NPB: variants seen among roughly 807,000 people sequenced by gnomAD.
NPB encodes the protein prepro-NPB.
In NPB, 8 loss-of-function variants were observed where a neutral mutation model predicts 6.7. That is an observed-to-expected ratio of 1.20 (90% CI 0.71 to 2.17). The LOEUF (loss-of-function observed/expected upper bound fraction) is 2.17. Ranked by LOEUF, NPB falls within the 30% of genes most tolerant of loss-of-function variation. NPB has a pLI of 0.00. For synonymous variants in NPB, 118 were observed against 103.4 expected (o/e 1.14, Z -0.86); for missense variants, 199 against 190.2 (o/e 1.05, Z -0.27).
chr17:81,902,611 GCCCC>G lies in NPB; in HGVS notation c.250-6_250-3del. 1 of 1,568,820 alleles carries G rather than the reference GCCCC, an allele frequency of 6.4e-7. No individual in the cohort carries two copies. Among genetic ancestry groups the G allele is most frequent in the Non-Finnish European group, 8.6e-7 (1 of 1,162,768 alleles). On this transcript the variant is annotated splice_polypyrimidine_tract_variant and splice_region_variant and intron_variant, in intron 1 of 1. Coordinates refer to ENST00000333383, the MANE Select transcript of NPB (RefSeq NM_148896.5). ...GCGGCCCCTCAGCCTTTGCTTGCCT[GCCCC>G]CCAGGCTGTGTGCGTCCAGGACGTC... is the stretch of plus-strand genomic sequence containing the variant.
In NPB at chr17:81,902,832, G is replaced by A; in HGVS notation, c.*84G>A. Reference sequence around the variant, plus strand: ...CCCCAGGCCCCTCCGGCGCGGGATGGCGCCCCAGGTCTCCCCTACTCCGCT... The same window carrying A: ...CCCCAGGCCCCTCCGGCGCGGGATGACGCCCCAGGTCTCCCCTACTCCGCT... On this transcript the variant is annotated 3_prime_UTR_variant, in exon 2 of 2. Coordinates refer to ENST00000333383, the MANE Select transcript of NPB (RefSeq NM_148896.5). 2.3e-6 allele frequency: 3 copies of A among 1,291,730 alleles called. No homozygotes were observed. The highest frequency in any genetic ancestry group is 2.9e-5 in the South Asian group (2 of 69,496). The allele number at this position is 1,291,730 out of a possible 1,614,324, so 80.0% of individuals were successfully genotyped here. A position where few individuals can be genotyped will look rare whatever the true frequency, so the allele number is the denominator to read the frequency against.
rs910163502 is a variant in NPB at position 81,902,826 on chromosome 17, G to A, written c.*78G>A. 1.5e-6 allele frequency: 2 copies of A among 1,351,140 alleles called. No homozygotes were observed. The highest frequency in any genetic ancestry group is 2.0e-6 in the Non-Finnish European group (2 of 1,004,904). 83.7% of individuals were successfully genotyped at this position (1,351,140 alleles called of 1,614,324 possible). A position where few individuals can be genotyped will look rare whatever the true frequency, so the allele number is the denominator to read the frequency against. ...CGGTGACCCCAGGCCCCTCCGGCGC[G>A]GGATGGCGCCCCAGGTCTCCCCTAC... On this transcript the variant is annotated 3_prime_UTR_variant, in exon 2 of 2. Transcript: ENST00000333383.
Position 81,902,405 on chromosome 17 carries a change from T to TGCTGTCCGGCCTCC in NPB, c.131_144dup (p.Arg49CysfsTer102). 1 of 1,346,024 alleles carries TGCTGTCCGGCCTCC rather than the reference T, an allele frequency of 7.4e-7. No individual in the cohort carries two copies. The highest frequency in any genetic ancestry group is 9.5e-7 in the Non-Finnish European group (1 of 1,055,916). 83.4% of individuals were successfully genotyped at this position (1,346,024 alleles called of 1,614,324 possible). ...TACTCGGTGGGCCGCGCCGCGGGGC[T>TGCTGTCCGGCCTCC]GCTGTCCGGCCTCCGCAGGTCCCCG... On this transcript the variant is annotated frameshift_variant, in exon 1 of 2. Transcript: ENST00000333383. LOFTEE classifies it high-confidence loss of function.
chr17:81,902,553 G>T (rs1010375734), intron 1 of NPB, 27 bp downstream of exon 1: 6 of 1,493,548 alleles, frequency 4.0e-6, no homozygotes, highest in Non-Finnish European at 5.3e-6. Context: ...GGGGACTGAT[G>T]GGGGGCGGCG....
rs754175289 is a variant in NPB at position 81,902,706 on chromosome 17, C to T, written c.336C>T (p.Asn112=). 1.6e-5 allele frequency: 25 copies of T among 1,609,070 alleles called. No homozygotes were observed. Among genetic ancestry groups the T allele is most frequent in the Admixed American group, 3.3e-5 (2 of 59,876 alleles). The change falls in exon 2 of 2, where the codon AAC becomes AAT. Residue 112 remains asparagine, a synonymous_variant. Transcript: ENST00000333383. The stretch of plus-strand genomic sequence containing the variant: ...GCGGGACCTACCAGTGCAAGGCGAA[C>T]GTCTTCCTGTCCCTGCGCGCAGCCG... ...DGRGTYQCKA[N]VFLSLRAADC... is the part of the protein sequence containing the mutation.
At position 81,902,601 on chromosome 17, in the gene NPB, T is replaced by C; in HGVS notation, c.250-19T>C. 1.3e-6 allele frequency: 2 copies of C among 1,555,544 alleles called. No individual in the cohort carries two copies. Among genetic ancestry groups the C allele is most frequent in the Non-Finnish European group, 1.7e-6 (2 of 1,156,654 alleles). ...TGGGGGTGCGGCGGCCCCTCAGCCT[T>C]TGCTTGCCTGCCCCCCAGGCTGTGT... On this transcript the variant is annotated intron_variant, in intron 1 of 1. Coordinates refer to ENST00000333383, the MANE Select transcript of NPB (RefSeq NM_148896.5).
Position 81,902,856 on chromosome 17 carries a change from C to G in NPB, c.*108C>G. The G allele has an allele frequency of 2.1e-6, 2 of 970,126 alleles. No individual in the cohort carries two copies. The highest frequency in any genetic ancestry group is 1.5e-6 in the Non-Finnish European group (1 of 680,810). 60.1% of individuals were successfully genotyped at this position (970,126 alleles called of 1,614,324 possible). Reference sequence around the variant, plus strand: ...GGCGCCCCAGGTCTCCCCTACTCCGCTCACCCCGCAGTTAATGGCAAACGA... The same window carrying G: ...GGCGCCCCAGGTCTCCCCTACTCCGGTCACCCCGCAGTTAATGGCAAACGA... On this transcript the variant is annotated 3_prime_UTR_variant, in exon 2 of 2. Transcript: ENST00000333383.
In NPB at chr17:81,902,317, C is replaced by T. The variant is rs1015178415; in HGVS notation, c.40C>T (p.Leu14=). Residue 14 remains leucine, a synonymous_variant, in exon 1 of 2, where the codon CTG becomes TTG. Transcript: ENST00000333383. The part of the protein sequence containing the change: ...SATLAAAALA[L]CLLLAPPGLA... ...GACACTGGCGGCCGCCGCCCTGGCGCTGTGCCTGCTGCTGGCGCCGCCTGG... is the reference window on the plus strand; with the variant it reads ...GACACTGGCGGCCGCCGCCCTGGCGTTGTGCCTGCTGCTGGCGCCGCCTGG... 58 of 1,337,176 alleles carry T rather than the reference C, an allele frequency of 4.3e-5. No individual in the cohort carries two copies. Among genetic ancestry groups the T allele is most frequent in the Non-Finnish European group, 5.0e-5 (53 of 1,051,166 alleles). The allele number at this position is 1,337,176 out of a possible 1,614,324, so 82.8% of individuals were successfully genotyped here.
chr17:81,902,552 T>TG (rs1308187231), intron 1 of NPB, 26 bp downstream of exon 1: 2 of 1,493,490 alleles, frequency 1.3e-6, no homozygotes, highest in African/African-American at 1.5e-5. Context: ...CGGGGACTGA[T>TG]GGGGGGCGGC....
At position 81,902,718 on chromosome 17, in the gene NPB, C is replaced by T. The variant is rs779658771; in HGVS notation, c.348C>T (p.Ser116=). 10 of 1,608,402 alleles carry T rather than the reference C, an allele frequency of 6.2e-6. No homozygotes were observed. Among genetic ancestry groups the T allele is most frequent in the South Asian group, 2.2e-5 (2 of 90,530 alleles). Reference sequence around the variant, plus strand: ...AGTGCAAGGCGAACGTCTTCCTGTCCCTGCGCGCAGCCGACTGCCTCGCCG... The same window carrying T: ...AGTGCAAGGCGAACGTCTTCCTGTCTCTGCGCGCAGCCGACTGCCTCGCCG... ...TYQCKANVFL[S]LRAADCLAA The change falls in exon 2 of 2, where the codon TCC becomes TCT. Residue 116 remains serine (S), a synonymous_variant. Coordinates refer to ENST00000333383, the MANE Select transcript of NPB (RefSeq NM_148896.5).
rs1231046587 is a variant in NPB, at chr17:81,902,286, G to A, written c.9G>A (p.Arg3=). 1.2e-5 allele frequency: 16 copies of A among 1,318,196 alleles called. No individual in the cohort carries two copies. Among genetic ancestry groups the A allele is most frequent in the Admixed American group, 7.9e-5 (2 of 25,258 alleles). 81.7% of individuals were successfully genotyped at this position (1,318,196 alleles called of 1,614,324 possible). The change falls in exon 1 of 2, where the codon CGG becomes CGA. Residue 3 remains arginine (R), a synonymous_variant. Coordinates refer to ENST00000333383, the MANE Select transcript of NPB (RefSeq NM_148896.5). The part of the protein sequence containing the change: MA[R]SATLAAAALA... ...AGTCAGCCGGCGTCCCCATGGCCCG[G>A]TCCGCGACACTGGCGGCCGCCGCCC...
chr17:81,902,531 G>A lies in NPB; in HGVS notation c.249+5G>A, dbSNP rs942777659. On this transcript the variant is annotated splice_donor_5th_base_variant and intron_variant, in intron 1 of 1. Transcript: ENST00000333383. ...CACCCCAGGCTGCGGAGCCTCGTGA[G>A]TCCGGCGTGCCGGGGACTGATGGGG... 2 of 1,461,404 alleles carry A rather than the reference G, an allele frequency of 1.4e-6. No homozygotes were observed. Among genetic ancestry groups the A allele is most frequent in the African/African-American group, 1.5e-5 (1 of 66,974 alleles). The allele number at this position is 1,461,404 out of a possible 1,614,324, so 90.5% of individuals were successfully genotyped here. A position where few individuals can be genotyped will look rare whatever the true frequency, so the allele number is the denominator to read the frequency against.
At position 81,902,402 on chromosome 17, in the gene NPB, G is replaced by C; in HGVS notation, c.125G>C (p.Gly42Ala). ...TCCTACTCGGTGGGCCGCGCCGCGG[G>C]GCTGCTGTCCGGCCTCCGCAGGTCC... ...HSSYSVGRAA[G>A]LLSGLRRSPY... Residue 42 changes from glycine to alanine, a missense_variant, in exon 1 of 2, where the codon GGG (glycine) becomes GCG (alanine). Gly to Ala is a moderately conservative substitution (Grantham distance 60, BLOSUM62 0). Transcript: ENST00000333383. The C allele has an allele frequency of 4.5e-6, 6 of 1,345,742 alleles. No individual in the cohort carries two copies. Among genetic ancestry groups the C allele is most frequent in the East Asian group, 3.1e-5 (1 of 32,154 alleles). 83.4% of individuals were successfully genotyped at this position (1,345,742 alleles called of 1,614,324 possible).
chr17:81,902,441 G>A lies in NPB; in HGVS notation c.164G>A (p.Arg55His), dbSNP rs2039989429. Residue 55 changes from arginine (R) to histidine (H), a missense_variant, in exon 1 of 2, where the codon CGC (arginine) becomes CAC (histidine). Transcript: ENST00000333383. Reference protein sequence around the residue: ...SGLRRSPYARRSQPYRGAEPP... With the variant: ...SGLRRSPYARHSQPYRGAEPP... ...CTCCGCAGGTCCCCGTACGCGCGGC[G>A]CTCCCAGCCCTACAGAGGGGCGGAA... 2 of 1,353,268 alleles carry A rather than the reference G, an allele frequency of 1.5e-6. No homozygotes were observed. Among genetic ancestry groups the A allele is most frequent in the South Asian group, 1.8e-5 (1 of 54,432 alleles). 83.8% of individuals were successfully genotyped at this position (1,353,268 alleles called of 1,614,324 possible).
Position 81,902,756 on chromosome 17 carries a change from C to G in NPB, c.*8C>G. On this transcript the variant is annotated 3_prime_UTR_variant, in exon 2 of 2. Coordinates refer to ENST00000333383, the MANE Select transcript of NPB (RefSeq NM_148896.5). The stretch of plus-strand genomic sequence containing the variant: ...GACTGCCTCGCCGCCTGAGCCCGGA[C>G]CTCTCCTGGCACCGCTGGGGGCCCC... 1 of 1,602,454 alleles carries G rather than the reference C, an allele frequency of 6.2e-7. No homozygotes were observed. Among genetic ancestry groups the G allele is most frequent in the Non-Finnish European group, 8.5e-7 (1 of 1,176,260 alleles).
Position 81,902,249 on chromosome 17 carries a change from C to G in NPB, c.-29C>G. The G allele has an allele frequency of 7.3e-6, 9 of 1,231,454 alleles. No individual in the cohort carries two copies. Among genetic ancestry groups the G allele is most frequent in the Non-Finnish European group, 9.1e-6 (9 of 987,648 alleles). The allele number at this position is 1,231,454 out of a possible 1,614,324, so 76.3% of individuals were successfully genotyped here. A position where few individuals can be genotyped will look rare whatever the true frequency, so the allele number is the denominator to read the frequency against. On this transcript the variant is annotated 5_prime_UTR_variant, in exon 1 of 2. Transcript: ENST00000333383. ...GCGGTGGCTGCTCCGAGCCCGGACG[C>G]CGCCGCCCACCAGTCAGCCGGCGTC...
chr17:81,902,888 A>G lies in NPB; in HGVS notation c.*140A>G, dbSNP rs1312807549. Reference sequence around the variant, plus strand: ...CGCAGTTAATGGCAAACGAATAAATAAATGAGGCGGCCTCGGAGTGAGGGG... The same window carrying G: ...CGCAGTTAATGGCAAACGAATAAATGAATGAGGCGGCCTCGGAGTGAGGGG... On this transcript the variant is annotated 3_prime_UTR_variant, in exon 2 of 2. Transcript: ENST00000333383. 5 of 724,688 alleles carry G rather than the reference A, an allele frequency of 6.9e-6. No individual in the cohort carries two copies. The highest frequency in any genetic ancestry group is 1.1e-5 in the Non-Finnish European group (5 of 474,148). The allele number at this position is 724,688 out of a possible 1,614,324, so 44.9% of individuals were successfully genotyped here.
chr17:81,902,671 C>T lies in NPB; in HGVS notation c.301C>T (p.Pro101Ser), dbSNP rs1489954737. 6.2e-7 allele frequency: 1 copy of T among 1,608,024 alleles called. No homozygotes were observed. Among genetic ancestry groups the T allele is most frequent in the Non-Finnish European group, 8.5e-7 (1 of 1,178,632 alleles). Reference sequence around the variant, plus strand: ...AAACCTGCAGAGGTGCGAGCGGCTCCCCGACGGCCGCGGGACCTACCAGTG... The same window carrying T: ...AAACCTGCAGAGGTGCGAGCGGCTCTCCGACGGCCGCGGGACCTACCAGTG... ...APNLQRCERL[P>S]DGRGTYQCKA... The change falls in exon 2 of 2, where the codon CCC becomes TCC. Residue 101 changes from proline to serine, a missense_variant. Coordinates refer to ENST00000333383, the MANE Select transcript of NPB (RefSeq NM_148896.5).
Position 81,902,697 on chromosome 17 carries a change from C to T in NPB, c.327C>T (p.Cys109=), listed in dbSNP as rs760838612. The T allele has an allele frequency of 9.9e-6, 16 of 1,608,912 alleles. 1 individual carries two copies. In the South Asian group the frequency reaches 1.5e-4, roughly 16 times the overall value. Reference sequence around the variant, plus strand: ...CCGACGGCCGCGGGACCTACCAGTGCAAGGCGAACGTCTTCCTGTCCCTGC... The same window carrying T: ...CCGACGGCCGCGGGACCTACCAGTGTAAGGCGAACGTCTTCCTGTCCCTGC... ...RLPDGRGTYQ[C]KANVFLSLRA... The change falls in exon 2 of 2, where the codon TGC becomes TGT. Residue 109 remains cysteine (C), a synonymous_variant. Coordinates refer to ENST00000333383, the MANE Select transcript of NPB (RefSeq NM_148896.5).
Sources: gnomAD v4.1 joint callset for allele counts on GRCh38, gnomAD v4.1.1 for gene constraint, MANE v1.5 for transcripts, NCBI Gene and HGNC (gene_info 2026-07-23, HGNC 2026-07-21) for gene names.